The following TRIO variants were observed in gnomAD, a reference collection of about 807,000 sequenced individuals.
TRIO encodes triple functional domain protein.
A neutral mutation model predicts 351.9 loss-of-function variants in TRIO; 58 were observed. That is an observed-to-expected ratio of 0.16 (90% CI 0.13 to 0.21). The LOEUF (loss-of-function observed/expected upper bound fraction) is 0.21. Among genes scored for constraint, TRIO ranks in the 10% least tolerant of loss-of-function variants. The pLI is 1.00. For synonymous variants in TRIO, 1,758 were observed against 1,595.7 expected (o/e 1.10, Z -2.42); for missense variants, 3,201 against 4,027.8 (o/e 0.79, Z 5.56).
chr5:14,404,511 C>T (rs1313281831), intron 31 of TRIO, among the ~76,000 whole-genome samples: 3 of 152,170 alleles, frequency 2.0e-5, no homozygotes, highest in Non-Finnish European at 4.4e-5. Context: ...CAGTTGTTTC[C>T]AAACTCTGCC....
At chr5:14,179,190 A>ACC (rs1789598037) in intron 1 of TRIO, among the ~76,000 whole-genome samples, 1 of 150,388 alleles carries the variant, frequency 6.6e-6, no homozygotes, top group Admixed American at 6.6e-5. Flanking sequence ...CTTTGGCCCC[A>ACC]CCCCCCACCT....
intron 1 of TRIO, among the ~76,000 whole-genome samples, chr5:14,172,092 T>C (rs1789131520): frequency 2.0e-5 from 3 of 152,196 alleles, no homozygotes; most frequent in African/African-American, 2.4e-5. Context: ...TTCTCTCTCT[T>C]TCTATCTTTT....
chr5:14,227,606 G>A, intron 1 of TRIO, among the ~76,000 whole-genome samples: 1 of 152,314 alleles, frequency 6.6e-6, no homozygotes, highest in African/African-American at 2.4e-5. Context: ...CACCCTTTGA[G>A]GAATTTGGTT....
At chr5:14,179,150 C>G (rs1027628504) in intron 1 of TRIO, among the ~76,000 whole-genome samples, 2 of 152,196 alleles carry the variant, frequency 1.3e-5, no homozygotes, top group Non-Finnish European at 2.9e-5. Context: ...CCGGCCAGCA[C>G]GTCGGTGTCC....
intron 5 of TRIO, among the ~76,000 whole-genome samples, chr5:14,292,239 A>G (rs1736978451): frequency 6.6e-6 from 1 of 152,242 alleles, no homozygotes; most frequent in South Asian, 2.1e-4. Context: ...AAAGCTTTTA[A>G]TGTATCTGTC....
chr5:14,159,520 C>CCG (rs1788305866), intron 1 of TRIO, among the ~76,000 whole-genome samples: 1 of 151,764 alleles, frequency 6.6e-6, no homozygotes, highest in African/African-American at 2.4e-5. Flanking sequence ...GTGATATTAA[C>CCG]ATTAAAAATC....
chr5:14,467,036 G>A (rs1464604191), intron 37 of TRIO, among the ~76,000 whole-genome samples: 1 of 152,176 alleles, frequency 6.6e-6, no homozygotes, highest in Non-Finnish European at 1.5e-5. Flanking sequence ...CCATTTTACA[G>A]ATAAGGAAAT....
chr5:14,239,279 C>A (rs560280192), intron 1 of TRIO, among the ~76,000 whole-genome samples: 5 of 152,110 alleles, frequency 3.3e-5, no homozygotes, highest in Admixed American at 3.3e-4. Context: ...CCCTCCCCCC[C>A]ATTCTTAGTT....
chr5:14,391,238 T>G lies in TRIO; in HGVS notation c.4218+248T>G, dbSNP rs547179283. Among the ~76,000 whole-genome samples the G allele has an allele frequency of 2.6e-5, 4 of 152,256 alleles. No homozygotes were observed. The South Asian group carries it at 8.3e-4, about 32-fold the overall frequency. On this transcript the variant is annotated intron_variant, in intron 27 of 56. Transcript: ENST00000344204. ...CAGATTGTAATATATAGATGTATGT[T>G]TGTGTGTGTGTATATGTTATTATTT... is the stretch of plus-strand genomic sequence containing the variant.
At chr5:14,470,395 A>G (rs1754596984) in intron 37 of TRIO, among the ~76,000 whole-genome samples, 1 of 152,210 alleles carries the variant, frequency 6.6e-6, no homozygotes, top group Non-Finnish European at 1.5e-5. Flanking sequence ...TAAATTCATC[A>G]CATTTTTTTC....
chr5:14,416,088 A>G (rs1749617869), intron 33 of TRIO, among the ~76,000 whole-genome samples: 1 of 151,156 alleles, frequency 6.6e-6, no homozygotes. Flanking sequence ...GTTAGAAAGA[A>G]AAGGGAATTT....
At chr5:14,488,360 G>A in intron 48 of TRIO, 100 bp downstream of exon 48, 8 of 1,458,938 alleles carry the variant, frequency 5.5e-6, no homozygotes, top group Middle Eastern at 2.2e-4. Flanking sequence ...GCTGCCCAGC[G>A]CTCTCCGCCG....
At chr5:14,222,142 C>T (rs374422855) in intron 1 of TRIO, among the ~76,000 whole-genome samples, 14 of 141,428 alleles carry the variant, frequency 9.9e-5, no homozygotes, top group East Asian at 2.0e-4. Context: ...TTTTTCTTTT[C>T]TTTTTTTTTT....
At chr5:14,381,082 C>T in intron 20 of TRIO, 48 bp from the exon 21 acceptor site, 4 of 1,580,950 alleles carry the variant, frequency 2.5e-6, no homozygotes, top group Non-Finnish European at 2.6e-6. Context: ...TTGGGCTCCT[C>T]TCAGGAATGT....
chr5:14,498,497 T>C (rs771840323), intron 52 of TRIO, 22 bp from the exon 53 acceptor site: 23 of 1,609,664 alleles, frequency 1.4e-5, no homozygotes, highest in Non-Finnish European at 1.8e-5. Flanking sequence ...TGATGCGCAG[T>C]GTGTTCCCAT....
intron 7 of TRIO, among the ~76,000 whole-genome samples, chr5:14,298,141 G>A (rs948735649): frequency 6.6e-6 from 1 of 152,078 alleles, no homozygotes; most frequent in Non-Finnish European, 1.5e-5. Context: ...TTAGCTACAT[G>A]GCATCTGACT....
At chr5:14,285,416 G>C (rs1207333182) in intron 3 of TRIO, among the ~76,000 whole-genome samples, 1 of 151,814 alleles carries the variant, frequency 6.6e-6, no homozygotes, top group African/African-American at 2.4e-5. Flanking sequence ...GTGTTGATGT[G>C]ATACACCCTC....
At chr5:14,469,295 C>T (rs1754504323) in intron 37 of TRIO, among the ~76,000 whole-genome samples, 1 of 152,020 alleles carries the variant, frequency 6.6e-6, no homozygotes, top group Non-Finnish European at 1.5e-5. Context: ...AAACAGAAAA[C>T]ACAAATTCCC....
intron 20 of TRIO, among the ~76,000 whole-genome samples, chr5:14,378,583 G>A (rs1283720716): frequency 6.7e-6 from 1 of 150,212 alleles, no homozygotes; most frequent in Non-Finnish European, 1.5e-5. Flanking sequence ...TTTTGAGACA[G>A]AGTTTTGCTC....
Sources: allele counts gnomAD v4.1 joint callset (sites outside exome capture counted in the v4.1 genomes callset), GRCh38; gene constraint gnomAD v4.1.1; transcripts MANE v1.5; gene names NCBI Gene and HGNC (gene_info 2026-07-23, HGNC 2026-07-21).